The following KCTD13 variants were observed in gnomAD, a reference collection of about 807,000 sequenced individuals.
KCTD13 encodes potassium channel tetramerization domain containing 13.
In KCTD13, 15 loss-of-function variants were observed where a neutral mutation model predicts 32.3. That is an observed-to-expected ratio of 0.46 (90% confidence interval 0.31 to 0.71). The LOEUF (loss-of-function observed/expected upper bound fraction) is 0.71. KCTD13 is among the 30% of genes least tolerant of loss of function. KCTD13 has a pLI of 0.05. For missense variants in KCTD13, 337 were observed against 452.6 expected (o/e 0.74, Z 2.32); for synonymous variants, 189 against 200.1 (o/e 0.94, Z 0.47).
In KCTD13 at chr16:29,925,803, C is replaced by G. The variant is rs747340116; in HGVS notation, c.231G>C (p.Leu77=). The G allele has an allele frequency of 1.2e-6, 2 of 1,613,674 alleles. No individual in the cohort carries two copies. Among genetic ancestry groups the G allele is most frequent in the Non-Finnish European group, 1.7e-6 (2 of 1,179,950 alleles). ...KAMFSGRVEV[L]TDAGGWVLID... Reference sequence around the variant, plus strand: ...CGCCGCTCGTACCTCCGGCATCGGTCAGCACCTCCACGCGGCCGCTGAACA... The same window carrying G: ...CGCCGCTCGTACCTCCGGCATCGGTGAGCACCTCCACGCGGCCGCTGAACA... Residue 77 remains leucine, a synonymous_variant, in exon 1 of 6, where the codon CTG becomes CTC. Transcript: ENST00000568000.
In KCTD13 at chr16:29,907,042, C is replaced by A. The variant is rs765354617; in HGVS notation, c.820G>T (p.Gly274Cys). The part of the protein sequence containing the change: ...LNILIYETPR[G>C]PDPALLEATG... Reference sequence around the variant, plus strand: ...GCCTCCAGGAGGGCTGGGTCTGGGCCCCGGGGAGTCTCGTAGATGAGGATG... The same window carrying A: ...GCCTCCAGGAGGGCTGGGTCTGGGCACCGGGGAGTCTCGTAGATGAGGATG... The change falls in exon 6 of 6, where the codon GGC becomes TGC. Residue 274 changes from glycine (G) to cysteine (C), a missense_variant. By Grantham distance (159) the Gly-to-Cys change is radical. This residue lies in a region of KCTD13 where 252 missense variants were observed against 340.2 expected (regional missense o/e 0.74). Transcript: ENST00000568000. The A allele has an allele frequency of 2.5e-5, 40 of 1,613,816 alleles. No individual in the cohort carries two copies. Among genetic ancestry groups the A allele is most frequent in the Non-Finnish European group, 3.3e-5 (39 of 1,179,844 alleles).
At chr16:29,921,768 G>C (rs761897838) in intron 2 of KCTD13, 2 of 152,100 alleles carry the variant, frequency 1.3e-5, no homozygotes, top group Admixed American at 6.6e-5. Flanking sequence ...TCAGGAGTTC[G>C]ACACCAGCCT....
chr16:29,910,173 G>A (rs2068681421), intron 5 of KCTD13, among the ~76,000 whole-genome samples: 1 of 151,572 alleles, frequency 6.6e-6, no homozygotes, highest in East Asian at 1.9e-4. Context: ...GCTGAGGTGG[G>A]TGGATCACGA....
intron 2 of KCTD13, chr16:29,913,365 A>G (rs920939201): frequency 6.6e-6 from 1 of 152,220 alleles, no homozygotes; most frequent in Non-Finnish European, 1.5e-5. Context: ...TACCTGAGAA[A>G]CACAACAGAG....
intron 2 of KCTD13, among the ~76,000 whole-genome samples, chr16:29,917,954 T>C (rs186167472): frequency 6.6e-6 from 1 of 151,766 alleles, no homozygotes; most frequent in Non-Finnish European, 1.5e-5. Context: ...CCTCAAAAAA[T>C]AAAAATAAAA....
chr16:29,918,931 T>G lies in KCTD13; in HGVS notation c.414+4259A>C, dbSNP rs562848447. Among the ~76,000 whole-genome samples the G allele has an allele frequency of 2.4e-3, 361 of 152,282 alleles. 1 individual carries two copies. Among genetic ancestry groups the G allele is most frequent in the African/African-American group, 8.4e-3 (349 of 41,548 alleles). ...CCTCAGCCTCCCAAAGTGCTGGGAT[T>G]ACAGGCATGAGCCACCGCACCTGGC... On this transcript the variant is annotated intron_variant, in intron 2 of 5. Coordinates refer to ENST00000568000, the MANE Select transcript of KCTD13 (RefSeq NM_178863.5).
rs2068716806 is a variant in KCTD13, at chr16:29,911,804, C to T, written c.557+11G>A. ...AGGGTCCCGCCCAGTGCCCCGCACC[C>T]CGGCGGTCACCTGGTGTAGGAGTAC... On this transcript the variant is annotated intron_variant, in intron 4 of 5. Transcript: ENST00000568000. The T allele has an allele frequency of 6.2e-7, 1 of 1,612,310 alleles. No individual in the cohort carries two copies. The highest frequency in any genetic ancestry group is 8.5e-7 in the Non-Finnish European group (1 of 1,179,612).
chr16:29,925,937 G>C lies in KCTD13; in HGVS notation c.97C>G (p.Leu33Val), dbSNP rs1343493220. The C allele has an allele frequency of 1.2e-6, 2 of 1,613,834 alleles. No homozygotes were observed. Among genetic ancestry groups the C allele is most frequent in the Admixed American group, 3.3e-5 (2 of 60,002 alleles). ...GLEPGPAAYG[L>V]KPLTPNSKYV... is the part of the protein sequence containing the mutation. ...TTGCTGTTCGGGGTCAGCGGCTTGA[G>C]ACCGTAGGCGGCGGGGCCAGGCTCG... Residue 33 changes from leucine (L) to valine (V), a missense_variant, in exon 1 of 6, where the codon CTC (leucine) becomes GTC (valine). Leu to Val is a conservative substitution (Grantham distance 32, BLOSUM62 1). This residue lies in a region of KCTD13 where 64 missense variants were observed against 59.6 expected (regional missense o/e 1.07). Coordinates refer to ENST00000568000, the MANE Select transcript of KCTD13 (RefSeq NM_178863.5).
In KCTD13 at chr16:29,912,534, G is replaced by A. The variant is rs143689753; in HGVS notation, c.415-485C>T. 4.8e-3 allele frequency among the ~76,000 whole-genome samples: 731 copies of A among 152,266 alleles called. 5 individuals are homozygous for A. The highest frequency in any genetic ancestry group is 0.016 in the African/African-American group (675 of 41,544). On this transcript the variant is annotated intron_variant, in intron 2 of 5. Coordinates refer to ENST00000568000, the MANE Select transcript of KCTD13 (RefSeq NM_178863.5). Reference sequence around the variant, plus strand: ...CGGCTCACTGCAACCTCCACCTCCCGGGTTAAAGCAATTCTCCTGCCTCAG... The same window carrying A: ...CGGCTCACTGCAACCTCCACCTCCCAGGTTAAAGCAATTCTCCTGCCTCAG...
chr16:29,911,092 G>A lies in KCTD13; in HGVS notation c.639C>T (p.Leu213=). The A allele has an allele frequency of 1.9e-6, 3 of 1,614,212 alleles. No individual in the cohort carries two copies. The highest frequency in any genetic ancestry group is 2.5e-6 in the Non-Finnish European group (3 of 1,180,032). The change falls in exon 5 of 6, where the codon CTC becomes CTT. Residue 213 remains leucine (L), a synonymous_variant. Transcript: ENST00000568000. ...ALRFHGRLLF[L]KDVLGDEICC... ...AGATCTCGTCCCCCAGGACATCCTT[G>A]AGGAAGAGTAGCCGCCCGTGGAAGC...
chr16:29,906,995 A>G lies in KCTD13; in HGVS notation c.867T>C (p.Ala289=). Residue 289 remains alanine, a synonymous_variant, in exon 6 of 6, where the codon GCT becomes GCC. Transcript: ENST00000568000. The stretch of plus-strand genomic sequence containing the variant: ...CATCCTCCCCGCGGCCAGCCCCACC[A>G]GCTCCAGCTGCTCCCCCTGTGGCCT... ...LLEATGGAAG[A]GGAGRGEDEE... 1 of 1,614,130 alleles carries G rather than the reference A, an allele frequency of 6.2e-7. No homozygotes were observed.
chr16:29,912,779 T>C (rs2068739684), intron 2 of KCTD13, among the ~76,000 whole-genome samples: 2 of 152,242 alleles, frequency 1.3e-5, no homozygotes, highest in East Asian at 1.9e-4. Context: ...TGTCTGACTT[T>C]TTCTAACTTT....
chr16:29,923,617 C>T (rs547097627), intron 1 of KCTD13, among the ~76,000 whole-genome samples: 56 of 152,138 alleles, frequency 3.7e-4, no homozygotes, highest in African/African-American at 1.2e-3. Flanking sequence ...ATCCCAGCAC[C>T]TTAGGAGGCT....
At chr16:29,914,988 A>C (rs1428492929) in intron 2 of KCTD13, 1 of 152,348 alleles carries the variant, frequency 6.6e-6, no homozygotes, top group Non-Finnish European at 1.5e-5. Context: ...AAAAAAAAAA[A>C]AGTGGGGCAG....
chr16:29,911,768 T>A (rs1488313604), intron 4 of KCTD13, 47 bp downstream of exon 4: 1 of 1,603,114 alleles, frequency 6.2e-7, no homozygotes, highest in Admixed American at 1.7e-5. Context: ...AGCAGGGCTG[T>A]GCTGCATCCC....
At chr16:29,917,148 G>T (rs1012892869) in intron 2 of KCTD13, among the ~76,000 whole-genome samples, 2 of 152,148 alleles carry the variant, frequency 1.3e-5, no homozygotes, top group East Asian at 3.8e-4. Flanking sequence ...TGTGGGAGGG[G>T]ACTGAACAAG....
At position 29,911,877 on chromosome 16, in the gene KCTD13, G is replaced by C; in HGVS notation, c.505-10C>G. On this transcript the variant is annotated splice_polypyrimidine_tract_variant and intron_variant, in intron 3 of 5. Coordinates refer to ENST00000568000, the MANE Select transcript of KCTD13 (RefSeq NM_178863.5). ...GGAGCTTCACCACGGGCTGGCGGGG[G>C]AGAGAGGATGGACGAGAGGGGTGAG... 1 of 1,612,350 alleles carries C rather than the reference G, an allele frequency of 6.2e-7. No individual in the cohort carries two copies. The highest frequency in any genetic ancestry group is 8.5e-7 in the Non-Finnish European group (1 of 1,179,102).
chr16:29,922,792 G>C (rs117590634), intron 2 of KCTD13: 10,264 of 395,548 alleles, frequency 0.026, 180 homozygotes, highest in Non-Finnish European at 0.033. Context: ...GATAGGGCCA[G>C]ATCGCAGAGG....
At chr16:29,912,202 T>G in intron 2 of KCTD13, 153 bp from the exon 3 acceptor site, 1 of 655,782 alleles carries the variant, frequency 1.5e-6, no homozygotes, top group Middle Eastern at 3.5e-4. Flanking sequence ...TCTCTGCCAC[T>G]CTCCCTTTGC....
Sources: gnomAD v4.1 joint callset for allele counts (sites outside exome capture counted in the v4.1 genomes callset) on GRCh38, gnomAD v4.1.1 for gene constraint, gnomAD v4.1.1 regional missense constraint, MANE v1.5 for transcripts, NCBI Gene and HGNC (gene_info 2026-07-23, HGNC 2026-07-21) for gene names.